The following KCTD16 variants were observed in gnomAD, a reference collection of about 807,000 sequenced individuals.
KCTD16 encodes potassium channel tetramerization domain containing 16, also known as BTB/POZ domain-containing protein KCTD16.
In KCTD16, 13 loss-of-function variants were observed where a neutral mutation model predicts 33.2. The observed-to-expected ratio is 0.39, with a 90% CI of 0.25 to 0.62. The LOEUF (loss-of-function observed/expected upper bound fraction) is 0.62, where lower values mean the gene tolerates loss of function less well. Ranked by LOEUF, KCTD16 falls within the 20% of genes least tolerant of loss-of-function variation. KCTD16 has a pLI of 0.50. For synonymous variants in KCTD16, 197 were observed against 195.3 expected, an observed-to-expected ratio of 1.01 and a Z score of -0.07; for missense variants, 441 against 525.1, an observed-to-expected ratio of 0.84 and a Z score of 1.57.
At chr5:144,229,216 T>C (rs1754026627) in intron 3 of KCTD16, among the ~76,000 whole-genome samples, 2 of 152,138 alleles carry the variant, frequency 1.3e-5, no homozygotes, top group Non-Finnish European at 2.9e-5. Flanking sequence ...TGCAAGAGAA[T>C]TGTTTAAATG....
chr5:144,218,920 T>G (rs1334953084), intron 3 of KCTD16, among the ~76,000 whole-genome samples: 8 of 152,236 alleles, frequency 5.3e-5, no homozygotes, highest in Non-Finnish European at 1.2e-4. Flanking sequence ...TTTTACTTTC[T>G]AATCACTTTT....
chr5:144,393,642 A>G (rs1182179021), intron 3 of KCTD16, among the ~76,000 whole-genome samples: 3 of 152,158 alleles, frequency 2.0e-5, no homozygotes, highest in Non-Finnish European at 2.9e-5. Context: ...TGCCACCTGC[A>G]TGCCTATTTC....
At chr5:144,299,113 TA>T (rs1561558456) in intron 3 of KCTD16, among the ~76,000 whole-genome samples, 4 of 14,460 alleles carry the variant, frequency 2.8e-4, no homozygotes, top group African/African-American at 7.6e-4. Context: ...TATATATATA[TA>T]TATATATATA....
intron 3 of KCTD16, among the ~76,000 whole-genome samples, chr5:144,424,472 C>A (rs1753278811): frequency 6.6e-6 from 1 of 152,154 alleles, no homozygotes; most frequent in South Asian, 2.1e-4. Flanking sequence ...AGAACAAAAT[C>A]TAAAGGCCTT....
At chr5:144,309,269 C>T (rs1477827168) in intron 3 of KCTD16, among the ~76,000 whole-genome samples, 1 of 152,094 alleles carries the variant, frequency 6.6e-6, no homozygotes, top group Non-Finnish European at 1.5e-5. Context: ...AAGTTTGAAA[C>T]TCTTGATCAA....
At chr5:144,376,377 G>T (rs1328794597) in intron 3 of KCTD16, among the ~76,000 whole-genome samples, 7 of 151,926 alleles carry the variant, frequency 4.6e-5, no homozygotes, top group African/African-American at 1.7e-4. Flanking sequence ...CTCGGTAGTT[G>T]GTCTAATAAT....
intron 3 of KCTD16, among the ~76,000 whole-genome samples, chr5:144,418,287 C>G (rs73296044): frequency 0.054 from 8,147 of 152,168 alleles, 752 homozygotes; most frequent in African/African-American, 0.19. Flanking sequence ...GGGTTGCCAA[C>G]GGGGATTCTG....
At chr5:144,253,658 C>A (rs1261074137) in intron 3 of KCTD16, among the ~76,000 whole-genome samples, 2 of 152,042 alleles carry the variant, frequency 1.3e-5, no homozygotes, top group African/African-American at 4.8e-5. Flanking sequence ...CCGTTTTGGG[C>A]ACCTTTCTGT....
In KCTD16 at chr5:144,478,945, C is replaced by T. The variant is rs910512338; in HGVS notation, c.*4831C>T. 6.6e-6 allele frequency: 1 copy of T among 151,540 alleles called. No homozygotes were observed. The highest frequency in any genetic ancestry group is 1.5e-5 in the Non-Finnish European group (1 of 67,766). The allele number at this position is 151,540 out of a possible 1,614,324, so 9.4% of individuals were successfully genotyped here. A position where few individuals can be genotyped will look rare whatever the true frequency, so the allele number is the denominator to read the frequency against. On this transcript the variant is annotated 3_prime_UTR_variant, in exon 4 of 4. Coordinates refer to ENST00000512467, the MANE Select transcript of KCTD16 (RefSeq NM_020768.4). ...TATGTGTATGTGTATGGGTTTTTTC[C>T]CAAAATAAAAGCCTGCATTATTATA...
chr5:144,280,599 A>G (rs961795124), intron 3 of KCTD16, among the ~76,000 whole-genome samples: 2 of 152,118 alleles, frequency 1.3e-5, no homozygotes, highest in African/African-American at 4.8e-5. Flanking sequence ...TGATCTTTTC[A>G]AAGAATCTAC....
At chr5:144,328,861 T>TTC (rs1039228624) in intron 3 of KCTD16, among the ~76,000 whole-genome samples, 1 of 130,784 alleles carries the variant, frequency 7.6e-6, no homozygotes, top group Non-Finnish European at 1.6e-5. Flanking sequence ...TGTAGCTTTT[T>TTC]TCTTTTTTTT....
chr5:144,195,740 G>A (rs1405833594), intron 2 of KCTD16, among the ~76,000 whole-genome samples: 1 of 152,180 alleles, frequency 6.6e-6, no homozygotes, highest in East Asian at 1.9e-4. Context: ...AATTCTAAAT[G>A]AGTGCCTCTC....
intron 1 of KCTD16, among the ~76,000 whole-genome samples, chr5:144,173,487 G>A (rs1322949296): frequency 6.6e-6 from 1 of 152,152 alleles, no homozygotes. Context: ...TTGGAGGGAG[G>A]AGGGAGAGAA....
At chr5:144,427,669 T>A (rs565763602) in intron 3 of KCTD16, among the ~76,000 whole-genome samples, 1 of 152,182 alleles carries the variant, frequency 6.6e-6, no homozygotes, top group African/African-American at 2.4e-5. Flanking sequence ...TCCCCAGAGA[T>A]GATGATTTAA....
intron 3 of KCTD16, among the ~76,000 whole-genome samples, chr5:144,308,349 A>T (rs545551380): frequency 4.4e-4 from 67 of 152,340 alleles, no homozygotes; most frequent in African/African-American, 1.6e-3. Context: ...GTAAGCGCTC[A>T]TTCTGAGGTA....
At chr5:144,434,636 A>C (rs1171796963) in intron 3 of KCTD16, among the ~76,000 whole-genome samples, 1 of 152,146 alleles carries the variant, frequency 6.6e-6, no homozygotes, top group Non-Finnish European at 1.5e-5. Context: ...GTAACTGGAC[A>C]AACCTAATGA....
At chr5:144,329,530 A>G (rs40267) in intron 3 of KCTD16, among the ~76,000 whole-genome samples, 42,087 of 152,096 alleles carry the variant, frequency 0.28, 6,007 homozygotes, top group Non-Finnish European at 0.3. Flanking sequence ...ACTGCAATCA[A>G]TGAAAGCATT....
At chr5:144,376,654 A>G (rs780576465) in intron 3 of KCTD16, among the ~76,000 whole-genome samples, 19 of 152,218 alleles carry the variant, frequency 1.2e-4, no homozygotes, top group African/African-American at 2.9e-4. Context: ...TATTTTTCCA[A>G]GTGAAATGCA....
intron 3 of KCTD16, among the ~76,000 whole-genome samples, chr5:144,268,551 G>A (rs1238481521): frequency 6.6e-6 from 1 of 151,964 alleles, no homozygotes; most frequent in African/African-American, 2.4e-5. Flanking sequence ...TCCATTTTTT[G>A]GTACAGAGAC....
Sources: gnomAD v4.1 joint callset for allele counts (sites outside exome capture counted in the v4.1 genomes callset) on GRCh38, gnomAD v4.1.1 for gene constraint, MANE v1.5 for transcripts, NCBI Gene and HGNC (gene_info 2026-07-23, HGNC 2026-07-21) for gene names.